The following ZNF385D variants were observed in gnomAD, a reference collection of about 807,000 sequenced individuals.
The protein encoded by ZNF385D is zinc finger protein 385D.
Under a neutral mutation model 35.8 loss-of-function variants are expected in ZNF385D, and 15 were observed. That is an observed-to-expected ratio of 0.42 (90% CI 0.28 to 0.64). ZNF385D has a LOEUF of 0.64. ZNF385D is among the 30% of genes least tolerant of loss of function. ZNF385D has a pLI of 0.23. For missense variants in ZNF385D, 474 were observed against 494.6 expected (o/e 0.96, Z 0.39); for synonymous variants, 212 against 186.8 (o/e 1.13, Z -1.10).
intron 1 of ZNF385D, among the ~76,000 whole-genome samples, chr3:21,694,042 CTT>C (rs35586361): frequency 4.5e-4 from 10 of 22,168 alleles, no homozygotes; most frequent in African/African-American, 2.1e-3. Flanking sequence ...CTACGCCTGG[CTT>C]TTTTTTTTTT....
intron 3 of ZNF385D, among the ~76,000 whole-genome samples, chr3:21,951,747 C>A (rs1702076781): frequency 6.6e-6 from 1 of 151,520 alleles, no homozygotes; most frequent in African/African-American, 2.4e-5. Flanking sequence ...ATAAACCCTT[C>A]AACTTTTAAA....
At chr3:22,094,106 T>C (rs527365475) in intron 3 of ZNF385D, among the ~76,000 whole-genome samples, 2 of 152,060 alleles carry the variant, frequency 1.3e-5, no homozygotes, top group Non-Finnish European at 2.9e-5. Context: ...CTCTAAGTTA[T>C]TTCATGTTTA....
At chr3:22,089,017 T>C (rs1965284) in intron 3 of ZNF385D, among the ~76,000 whole-genome samples, 76,932 of 151,960 alleles carry the variant, frequency 0.51, 19,587 homozygotes, top group African/African-American at 0.53. Flanking sequence ...TCGTATTATT[T>C]TTCCCTTACC....
chr3:21,517,292 C>A (rs1358400222), intron 3 of ZNF385D, among the ~76,000 whole-genome samples: 4 of 151,954 alleles, frequency 2.6e-5, no homozygotes, highest in Admixed American at 6.6e-5. Flanking sequence ...TGAAGCCAAA[C>A]GACTGCCGAG....
At chr3:21,810,998 G>GTGTGTGTATA (rs576386621) in intron 3 of ZNF385D, among the ~76,000 whole-genome samples, 70 of 144,510 alleles carry the variant, frequency 4.8e-4, no homozygotes, top group African/African-American at 1.6e-3. Flanking sequence ...GTGTGTGTGT[G>GTGTGTGTATA]TATATATATA....
At chr3:22,352,822 G>C (rs373449987) in intron 2 of ZNF385D, among the ~76,000 whole-genome samples, 7 of 152,078 alleles carry the variant, frequency 4.6e-5, no homozygotes, top group Non-Finnish European at 1.0e-4. Context: ...TAGATAGCAG[G>C]TTCCTATCAC....
At chr3:21,963,981 CATT>C (rs1274728848) in intron 3 of ZNF385D, among the ~76,000 whole-genome samples, 1 of 152,066 alleles carries the variant, frequency 6.6e-6, no homozygotes, top group Non-Finnish European at 1.5e-5. Flanking sequence ...GTCATGAAGA[CATT>C]AGTACAAAAG....
chr3:21,931,122 T>A (rs1363640358), intron 3 of ZNF385D, among the ~76,000 whole-genome samples: 1 of 151,914 alleles, frequency 6.6e-6, no homozygotes, highest in African/African-American at 2.4e-5. Context: ...AAAAGACAAA[T>A]AAAATTAAAC....
intron 3 of ZNF385D, among the ~76,000 whole-genome samples, chr3:22,035,154 A>C (rs910859222): frequency 1.3e-5 from 2 of 152,350 alleles, no homozygotes; most frequent in South Asian, 4.1e-4. Context: ...TTCTGGATGA[A>C]CTGTGTTAAA....
At chr3:22,360,778 C>T (rs1406132798) in intron 2 of ZNF385D, among the ~76,000 whole-genome samples, 1 of 151,984 alleles carries the variant, frequency 6.6e-6, no homozygotes, top group Non-Finnish European at 1.5e-5. Context: ...AACGCTTCAA[C>T]TTTAATGTTT....
At chr3:22,159,379 C>A (rs753192650) in intron 3 of ZNF385D, among the ~76,000 whole-genome samples, 3 of 152,012 alleles carry the variant, frequency 2.0e-5, no homozygotes, top group Non-Finnish European at 2.9e-5. Context: ...AAACAATGGT[C>A]ATGAAAAACT....
chr3:22,008,422 G>C (rs1038543217), intron 3 of ZNF385D, among the ~76,000 whole-genome samples: 31 of 146,534 alleles, frequency 2.1e-4, no homozygotes, highest in African/African-American at 8.1e-4. Flanking sequence ...GCCCGATCTC[G>C]GCTCACTGCA....
chr3:22,284,830 T>G (rs1188761617), intron 2 of ZNF385D, among the ~76,000 whole-genome samples: 1 of 152,078 alleles, frequency 6.6e-6, no homozygotes, highest in Non-Finnish European at 1.5e-5. Flanking sequence ...TTGGTATACC[T>G]AAAAAAGAAA....
chr3:21,471,433 T>C (rs948255408), intron 4 of ZNF385D, among the ~76,000 whole-genome samples: 3 of 152,052 alleles, frequency 2.0e-5, no homozygotes, highest in Non-Finnish European at 2.9e-5. Flanking sequence ...TCTGCCAATA[T>C]TGCAGAGGTT....
chr3:21,885,839 G>A (rs567839035), intron 3 of ZNF385D, among the ~76,000 whole-genome samples: 94 of 151,788 alleles, frequency 6.2e-4, no homozygotes, highest in African/African-American at 2.0e-3. Context: ...AAGGCTCTGT[G>A]AGTCTGAAAT....
chr3:21,960,839 C>T (rs1247211128), intron 3 of ZNF385D, among the ~76,000 whole-genome samples: 1 of 152,116 alleles, frequency 6.6e-6, no homozygotes, highest in Non-Finnish European at 1.5e-5. Context: ...GAAATAAATA[C>T]TGTATGTTCT....
At chr3:21,996,342 C>T (rs1695466482) in intron 3 of ZNF385D, among the ~76,000 whole-genome samples, 2 of 152,122 alleles carry the variant, frequency 1.3e-5, no homozygotes, top group African/African-American at 4.8e-5. Context: ...TCTCCTGGCT[C>T]CAAGTGACCG....
At chr3:21,444,490 T>G (rs541746819) in intron 4 of ZNF385D, among the ~76,000 whole-genome samples, 1 of 148,836 alleles carries the variant, frequency 6.7e-6, no homozygotes, top group East Asian at 2.1e-4. Flanking sequence ...GTTCAAGCAA[T>G]TCTCCTGCCT....
chr3:21,820,046 C>A (rs1049451618), intron 3 of ZNF385D, among the ~76,000 whole-genome samples: 2 of 150,888 alleles, frequency 1.3e-5, no homozygotes, highest in African/African-American at 2.4e-5. Flanking sequence ...ATATAAAAAA[C>A]AGTAAGAATA....
Sources: gnomAD v4.1 joint callset for allele counts (sites outside exome capture counted in the v4.1 genomes callset) on GRCh38, gnomAD v4.1.1 for gene constraint, MANE v1.5 for transcripts, NCBI Gene and HGNC (gene_info 2026-07-23, HGNC 2026-07-21) for gene names.